The following KAT2A variants were observed in gnomAD, a reference collection of about 807,000 sequenced individuals.
The protein encoded by KAT2A is histone acetyltransferase KAT2A.
KAT2A carries 42 observed loss-of-function variants against 95.2 expected under a neutral mutation model. The ratio of observed to expected loss-of-function variants is 0.44; its 90% CI spans 0.34 to 0.57. KAT2A has a LOEUF of 0.57. Among genes scored for constraint, KAT2A ranks in the 20% least tolerant of loss-of-function variants. The pLI, the probability that KAT2A is intolerant of heterozygous loss-of-function variation, is 0.01. For missense variants in KAT2A, 784 were observed against 1,126.3 expected, an observed-to-expected ratio of 0.70 and a Z score of 4.35; for synonymous variants, 449 against 448.2, an observed-to-expected ratio of 1.00 and a Z score of -0.02.
At position 42,121,243 on chromosome 17, in the gene KAT2A, G is replaced by A. The variant is rs1555667340; in HGVS notation, c.62C>T (p.Ser21Phe). The change falls in exon 1 of 18, where the codon TCC becomes TTC. Residue 21 changes from serine (S) to phenylalanine (F), a missense_variant. Physicochemically the swap from Ser to Phe is radical, Grantham distance 155. Around this residue, in one of 6 missense-constraint regions of KAT2A, gnomAD observed 142 missense variants for 123.2 expected, o/e 1.15. Transcript: ENST00000225916. ...APAAQPRPLQ[S>F]PAPAPTPTPA... ...AGTCGGAGTTGGGGCAGGGGCTGGG[G>A]ACTGAAGGGGCCGGGGCTGCGCAGC... 7.4e-7 allele frequency: 1 copy of A among 1,349,886 alleles called. No individual in the cohort carries two copies. The highest frequency in any genetic ancestry group is 9.7e-7 in the Non-Finnish European group (1 of 1,032,726). The allele number at this position is 1,349,886 out of a possible 1,614,324, so 83.6% of individuals were successfully genotyped here.
At position 42,120,822 on chromosome 17, in the gene KAT2A, T is replaced by C; in HGVS notation, c.347A>G (p.Glu116Gly). The change falls in exon 2 of 18, where the codon GAA (glutamate) becomes GGA (glycine). Residue 116 changes from glutamate (E) to glycine (G), a missense_variant. By Grantham distance (98) the Glu-to-Gly change is moderately conservative (BLOSUM62 -2). Coordinates refer to ENST00000225916, the MANE Select transcript of KAT2A (RefSeq NM_021078.3). ...LGVFSACKAN[E>G]TCKCNGWKNP... ...TTTCCAGCCATTACACTTACAGGTT[T>C]CATTGGCCTGGAGGTGGAAGGATCA... 6.2e-7 allele frequency: 1 copy of C among 1,611,098 alleles called. No homozygotes were observed. The highest frequency in any genetic ancestry group is 8.5e-7 in the Non-Finnish European group (1 of 1,178,346).
At chr17:42,118,185 A>G in intron 7 of KAT2A, 112 bp downstream of exon 7, 1 of 894,894 alleles carries the variant, frequency 1.1e-6, no homozygotes, top group African/African-American at 1.7e-5. Flanking sequence ...AGCCGGTGGC[A>G]GGTCCCTCAG....
intron 11 of KAT2A, 111 bp downstream of exon 11, chr17:42,116,920 GCTAA>G (rs1361628253): frequency 1.5e-5 from 19 of 1,301,670 alleles, no homozygotes; most frequent in Non-Finnish European, 1.9e-5. Context: ...GGAACGGGCC[GCTAA>G]CTAAGAGAAG....
rs1568013969 is a variant in KAT2A, at chr17:42,121,222, G to A, written c.83C>T (p.Pro28Leu). 8 of 1,343,654 alleles carry A rather than the reference G, an allele frequency of 6.0e-6. No individual in the cohort carries two copies. The highest frequency in any genetic ancestry group is 7.9e-6 in the Non-Finnish European group (8 of 1,017,924). The allele number at this position is 1,343,654 out of a possible 1,614,324, so 83.2% of individuals were successfully genotyped here. The change falls in exon 1 of 18, where the codon CCG becomes CTG. Residue 28 changes from proline (P) to leucine (L), a missense_variant. By Grantham distance (98) the Pro-to-Leu change is moderately conservative. Coordinates refer to ENST00000225916, the MANE Select transcript of KAT2A (RefSeq NM_021078.3). ...TGAAGCCGGGCTGGGTGCAGGAGTCGGAGTTGGGGCAGGGGCTGGGGACTG... is the reference window on the plus strand; with the variant it reads ...TGAAGCCGGGCTGGGTGCAGGAGTCAGAGTTGGGGCAGGGGCTGGGGACTG... Reference protein sequence around the residue: ...PLQSPAPAPTPTPAPSPASAP... With the variant: ...PLQSPAPAPTLTPAPSPASAP...
At position 42,115,795 on chromosome 17, in the gene KAT2A, A is replaced by G. The variant is rs1555665873; in HGVS notation, c.1803T>C (p.Tyr601=). 1.2e-6 allele frequency: 2 copies of G among 1,613,540 alleles called. No homozygotes were observed. The highest frequency in any genetic ancestry group is 1.7e-5 in the Admixed American group (1 of 59,982). Residue 601 remains tyrosine (Y), a synonymous_variant, in exon 12 of 18, where the codon TAT becomes TAC. Coordinates refer to ENST00000225916, the MANE Select transcript of KAT2A (RefSeq NM_021078.3). ...GTHLMNHLKE[Y]HIKHNILYFL... ...AGTAGAGAATGTTGTGCTTGATGTG[A>G]TACTCCTTCAGGTGGTTCATCAGGT... is the stretch of plus-strand genomic sequence containing the variant.
At chr17:42,118,206 G>A (rs2054290104) in intron 7 of KAT2A, 91 bp downstream of exon 7, 1 of 1,056,966 alleles carries the variant, frequency 9.5e-7, no homozygotes, top group Non-Finnish European at 1.4e-6. Flanking sequence ...TGGGATCCAG[G>A]GCCTCCGGCC....
In KAT2A at chr17:42,117,269, T is replaced by C. The variant is rs1364813000; in HGVS notation, c.1638-108A>G. The stretch of plus-strand genomic sequence containing the variant: ...GTTGGGCAGTGAGAAGTAAGAATGC[T>C]CAAAGGATGAACCTCAGAAGTGGGG... On this transcript the variant is annotated intron_variant, in intron 10 of 17. Transcript: ENST00000225916. This position sits in a 1 kb window ranked among gnomAD's most constrained non-coding sequence, Gnocchi z 8.9. The C allele has an allele frequency of 6.4e-7, 1 of 1,556,750 alleles. No homozygotes were observed. The highest frequency in any genetic ancestry group is 8.8e-7 in the Non-Finnish European group (1 of 1,138,788).
rs2054201879 is a variant in KAT2A at position 42,113,581 on chromosome 17, C to T, written c.*68G>A. ...AGTCGGGTCCGTGGGGCCAGGGCAC[C>T]CCCTAAGGATCAGATCAGAATCCGA... On this transcript the variant is annotated 3_prime_UTR_variant, in exon 18 of 18. Transcript: ENST00000225916. The T allele has an allele frequency of 5.4e-6, 8 of 1,477,006 alleles. No individual in the cohort carries two copies. Among genetic ancestry groups the T allele is most frequent in the Middle Eastern group, 1.8e-4 (1 of 5,664 alleles). 91.5% of individuals were successfully genotyped at this position (1,477,006 alleles called of 1,614,324 possible). A position where few individuals can be genotyped will look rare whatever the true frequency, so the allele number is the denominator to read the frequency against.
rs1244852285 is a variant in KAT2A at position 42,114,186 on chromosome 17, A to G, written c.2235+33T>C. 1 of 1,586,908 alleles carries G rather than the reference A, an allele frequency of 6.3e-7. No homozygotes were observed. The highest frequency in any genetic ancestry group is 1.4e-5 in the African/African-American group (1 of 73,472). On this transcript the variant is annotated intron_variant, in intron 16 of 17. Transcript: ENST00000225916. The surrounding 1 kb of genome is among the most constrained non-coding windows in gnomAD (Gnocchi z 6.0). ...ATCAAGAGGCCACAGCCATTGGTGC[A>G]GGGGCCCTGGAAAGGAAACCTGGTC...
Position 42,120,048 on chromosome 17 carries a change from C to T in KAT2A, c.681G>A (p.Glu227=), listed in dbSNP as rs782336221. Residue 227 remains glutamate (E), a synonymous_variant, in exon 4 of 18, where the codon GAG becomes GAA. Coordinates refer to ENST00000225916, the MANE Select transcript of KAT2A (RefSeq NM_021078.3). Reference sequence around the variant, plus strand: ...ATCTCACCTGCTCAATATTAGGTTTCTCAAATGGAGGGCTGCCCAGGGACC... The same window carrying T: ...ATCTCACCTGCTCAATATTAGGTTTTTCAAATGGAGGGCTGCCCAGGGACC... ...VEGSLGSPPF[E]KPNIEQGVLN... 7 of 1,614,038 alleles carry T rather than the reference C, an allele frequency of 4.3e-6. No homozygotes were observed. Among genetic ancestry groups the T allele is most frequent in the Non-Finnish European group, 4.2e-6 (5 of 1,179,946 alleles).
chr17:42,120,579 C>A (rs1049131096), intron 2 of KAT2A, 127 bp downstream of exon 2: 1 of 1,310,898 alleles, frequency 7.6e-7, no homozygotes, highest in South Asian at 1.3e-5. Context: ...TGCACACCCC[C>A]CCCCAACCCA....
At chr17:42,116,692 A>G (rs2054262635) in intron 11 of KAT2A, among the ~76,000 whole-genome samples, 1 of 152,244 alleles carries the variant, frequency 6.6e-6, no homozygotes, top group African/African-American at 2.4e-5. Flanking sequence ...ATGCCTCTGC[A>G]CTGCGGCCTG....
Position 42,119,790 on chromosome 17 carries a change from G to A in KAT2A, c.700-72C>T, listed in dbSNP as rs565575528. On this transcript the variant is annotated intron_variant, in intron 4 of 17. Coordinates refer to ENST00000225916, the MANE Select transcript of KAT2A (RefSeq NM_021078.3). The surrounding 1 kb of genome is among the most constrained non-coding windows in gnomAD (Gnocchi z 5.3). ...AGCCCGCAGGGCCTTCTTAGACAAA[G>A]GAAGATGCTCCCTGGCCAGGGACAA... 9 of 1,323,532 alleles carry A rather than the reference G, an allele frequency of 6.8e-6. No homozygotes were observed. The African/African-American group carries it at 8.9e-5, about 13-fold the overall frequency. The allele number at this position is 1,323,532 out of a possible 1,614,324, so 82.0% of individuals were successfully genotyped here.
intron 17 of KAT2A, 21 bp downstream of exon 17, chr17:42,113,979 G>A: frequency 6.7e-7 from 1 of 1,502,670 alleles, no homozygotes; most frequent in South Asian, 1.3e-5. Context: ...GAGGGAAGGG[G>A]ATGGAATGGA....
chr17:42,118,110 GAGTC>G, intron 7 of KAT2A, 93 bp from the exon 8 acceptor site: 1 of 743,874 alleles, frequency 1.3e-6, no homozygotes, highest in Non-Finnish European at 2.1e-6. Context: ...AGGAGAGAGA[GAGTC>G]AGGGACGGGG....
intron 12 of KAT2A, among the ~76,000 whole-genome samples, chr17:42,115,449 C>G (rs1471612894): frequency 2.1e-5 from 3 of 142,426 alleles, no homozygotes; most frequent in African/African-American, 7.8e-5. Context: ...AGTGCCCCCC[C>G]CAGTTCCTCC....
chr17:42,113,901 C>T (rs1271989076), intron 17 of KAT2A, 59 bp from the exon 18 acceptor site: 25 of 1,497,840 alleles, frequency 1.7e-5, no homozygotes, highest in Admixed American at 5.1e-5. Context: ...GCAGGGCTGT[C>T]CACCAGGGTG....
rs782041807 is a variant in KAT2A, at chr17:42,119,553, T to C, written c.865A>G (p.Lys289Glu). ...TGGGCCTACCTGGTGTAATTGACCT[T>C]GTAGGTAGCCACGTCCTCAGCCTGA... ...RSQAEDVATY[K>E]VNYTRWLCYC... Residue 289 changes from lysine to glutamate, a missense_variant, in exon 5 of 18, where the codon AAG (lysine) becomes GAG (glutamate). Lys to Glu is a moderately conservative substitution (Grantham distance 56). Transcript: ENST00000225916. This position sits in a 1 kb window ranked among gnomAD's most constrained non-coding sequence, Gnocchi z 5.3. 1 of 1,599,152 alleles carries C rather than the reference T, an allele frequency of 6.3e-7. No homozygotes were observed. Among genetic ancestry groups the C allele is most frequent in the Non-Finnish European group, 8.5e-7 (1 of 1,171,976 alleles).
Position 42,115,015 on chromosome 17 carries a change from C to T in KAT2A, c.1896G>A (p.Lys632=). 6.2e-7 allele frequency: 1 copy of T among 1,613,960 alleles called. No individual in the cohort carries two copies. Among genetic ancestry groups the T allele is most frequent in the South Asian group, 1.1e-5 (1 of 91,084 alleles). The part of the protein sequence containing the change: ...FKKQGFSKDI[K]VPKSRYLGYI... ...AGCCCAGGTAGCGGCTCTTGGGCAC[C>T]TTGATGTCCTTGGAGAAACCCTGGG... The change falls in exon 13 of 18, where the codon AAG becomes AAA. Residue 632 remains lysine (K), a synonymous_variant. Transcript: ENST00000225916.
Sources: gnomAD v4.1 joint callset for allele counts (sites outside exome capture counted in the v4.1 genomes callset) on GRCh38, gnomAD v4.1.1 for gene constraint, gnomAD v4.1.1 regional missense constraint, Gnocchi (gnomAD v3.1) non-coding constraint, MANE v1.5 for transcripts, NCBI Gene and HGNC (gene_info 2026-07-23, HGNC 2026-07-21) for gene names.